Variants in GRID1 observed in about 807,000 individuals in gnomAD.
GRID1 encodes the protein glutamate ionotropic receptor delta type subunit 1, also known as glutamate receptor ionotropic, delta-1.
A neutral mutation model predicts 98.0 loss-of-function variants in GRID1; 28 were observed. That is an observed-to-expected ratio of 0.29 (90% CI 0.21 to 0.39). The LOEUF is 0.39. GRID1 is among the 10% of genes least tolerant of loss of function. The pLI is 1.00. For synonymous variants in GRID1, 553 were observed against 538.5 expected, an observed-to-expected ratio of 1.03 and a Z score of -0.37; for missense variants, 1,111 against 1,340.5, an observed-to-expected ratio of 0.83 and a Z score of 2.67.
rs529857813 is a variant in GRID1, at chr10:86,036,948, G to A, written c.726+101871C>T. Among the ~76,000 whole-genome samples, 23 of 152,324 alleles carry A rather than the reference G, an allele frequency of 1.5e-4. No individual in the cohort carries two copies. The East Asian group carries it at 3.7e-3, about 24-fold the overall frequency. On this transcript the variant is annotated intron_variant, in intron 4 of 15. Coordinates refer to ENST00000327946, the MANE Select transcript of GRID1 (RefSeq NM_017551.3). Reference sequence around the variant, plus strand: ...AGCATTTTATAATTAGCCATAACTTGACAAATTAATTAGTACAACAGCACA... The same window carrying A: ...AGCATTTTATAATTAGCCATAACTTAACAAATTAATTAGTACAACAGCACA...
chr10:85,724,585 C>G lies in GRID1; in HGVS notation c.1625G>C (p.Gly542Ala), dbSNP rs755662310. ...FSKRYMDYSV[G>A]ILIKKPEEKI... ...CTCCTCGGGCTTCTTAATTAGAATC[C>G]CCACTGAATAGTCCATGTACCGCTT... Residue 542 changes from glycine to alanine, a missense_variant, in exon 11 of 16, where the codon GGG becomes GCG. By Grantham distance (60) the Gly-to-Ala change is moderately conservative. Around this residue, in one of 3 missense-constraint regions of GRID1, gnomAD observed 762 missense variants for 869.1 expected, o/e 0.88. Coordinates refer to ENST00000327946, the MANE Select transcript of GRID1 (RefSeq NM_017551.3). The G allele has an allele frequency of 3.7e-6, 6 of 1,613,478 alleles. No homozygotes were observed. The East Asian group carries it at 1.1e-4, about 30-fold the overall frequency.
At chr10:86,036,054 A>G (rs1843256599) in intron 4 of GRID1, among the ~76,000 whole-genome samples, 1 of 152,124 alleles carries the variant, frequency 6.6e-6, no homozygotes, top group Non-Finnish European at 1.5e-5. Context: ...GGAAAAAGGG[A>G]AGGCAGGTGA....
chr10:85,740,143 T>G (rs551765015), intron 8 of GRID1, among the ~76,000 whole-genome samples: 7 of 152,314 alleles, frequency 4.6e-5, no homozygotes, highest in Middle Eastern at 3.4e-3. Flanking sequence ...CTAAATAAAC[T>G]GCAAGTTCCA....
intron 8 of GRID1, among the ~76,000 whole-genome samples, chr10:85,844,055 C>T (rs1038645039): frequency 5.3e-4 from 80 of 152,008 alleles, no homozygotes; most frequent in African/African-American, 1.8e-3. Flanking sequence ...GTGAGGCATC[C>T]ATTCTTCGAA....
chr10:85,728,026 C>T lies in GRID1; in HGVS notation c.1362G>A (p.Glu454=), dbSNP rs776824843. 11 of 1,613,326 alleles carry T rather than the reference C, an allele frequency of 6.8e-6. No individual in the cohort carries two copies. The Admixed American group carries it at 1.8e-4, about 27-fold the overall frequency. The stretch of plus-strand genomic sequence containing the variant: ...AGCGCTTGGGCTGTCCTAGGATGTT[C>T]TCAGCCACCATCACGAAAGGCTCTT... The part of the protein sequence containing the change: ...VLEEPFVMVA[E]NILGQPKRYK... Residue 454 remains glutamate (E), a synonymous_variant, in exon 10 of 16, where the codon GAG becomes GAA. Transcript: ENST00000327946.
chr10:86,155,789 G>A (rs1564691885), intron 3 of GRID1, among the ~76,000 whole-genome samples: 1 of 152,224 alleles, frequency 6.6e-6, no homozygotes, highest in Admixed American at 6.5e-5. Flanking sequence ...GCAGGAGGGA[G>A]GAAAGTCATG....
At chr10:85,828,872 C>A (rs1015511147) in intron 8 of GRID1, among the ~76,000 whole-genome samples, 4 of 152,086 alleles carry the variant, frequency 2.6e-5, no homozygotes, top group African/African-American at 9.7e-5. Flanking sequence ...TGAATTCCAC[C>A]AGGTGTATAA....
chr10:85,727,794 A>C, intron 10 of GRID1, 61 bp downstream of exon 10: 2 of 1,285,150 alleles, frequency 1.6e-6, no homozygotes, highest in Non-Finnish European at 2.3e-6. Flanking sequence ...GGTCAAGTTT[A>C]GATATTACCC....
intron 5 of GRID1, among the ~76,000 whole-genome samples, chr10:85,873,708 G>C (rs976965445): frequency 3.9e-5 from 6 of 152,114 alleles, no homozygotes; most frequent in Non-Finnish European, 8.8e-5. Flanking sequence ...TTAGCTTTGG[G>C]TAAGCTAAAC....
At chr10:85,996,214 A>C (rs7089638) in intron 4 of GRID1, among the ~76,000 whole-genome samples, 114,146 of 152,154 alleles carry the variant, frequency 0.75, 43,103 homozygotes, top group South Asian at 0.85. Flanking sequence ...AGCAAAATCT[A>C]AACTCACATG....
rs1173488112 is a variant in GRID1 at position 85,724,423 on chromosome 10, TG to T, written c.1786del (p.Gln596SerfsTer30). On this transcript the variant is annotated frameshift_variant, in exon 11 of 16. Transcript: ENST00000327946. LOFTEE classifies it high-confidence loss of function. ...IQAVRAQSAAQPRPSASATLH... is the reference protein window; with the variant it reads ...IQAVRAQSAAXPRPSASATLH... ...AGTGGCAGAAGCTGACGGCCTGGGCTGGGCAGCACTCTGAGCCCTCACAGCC... is the reference window on the plus strand; with the variant it reads ...AGTGGCAGAAGCTGACGGCCTGGGCTGGCAGCACTCTGAGCCCTCACAGCC... 1.2e-6 allele frequency: 2 copies of T among 1,614,152 alleles called. No homozygotes were observed. Among genetic ancestry groups the T allele is most frequent in the Admixed American group, 3.3e-5 (2 of 60,022 alleles).
At chr10:86,340,534 G>A (rs1848296055) in intron 2 of GRID1, among the ~76,000 whole-genome samples, 3 of 152,182 alleles carry the variant, frequency 2.0e-5, no homozygotes, top group South Asian at 2.1e-4. Context: ...GAATATCAAG[G>A]GGTGGAGCCA....
chr10:85,773,199 A>G (rs1362336063), intron 8 of GRID1, among the ~76,000 whole-genome samples: 1 of 152,200 alleles, frequency 6.6e-6, no homozygotes, highest in Non-Finnish European at 1.5e-5. Context: ...AATCCAGCAT[A>G]TAAACAGAAC....
chr10:86,101,321 A>G (rs1844292805), intron 4 of GRID1, among the ~76,000 whole-genome samples: 1 of 152,242 alleles, frequency 6.6e-6, no homozygotes, highest in Admixed American at 6.5e-5. Flanking sequence ...ATTATTTTGA[A>G]TGTATAATCT....
intron 4 of GRID1, among the ~76,000 whole-genome samples, chr10:86,039,812 G>A (rs1049186789): frequency 5.3e-5 from 8 of 152,158 alleles, no homozygotes; most frequent in East Asian, 1.9e-4. Context: ...AAATAGAGAC[G>A]TTTCTCTCTA....
chr10:85,710,556 T>G (rs1841570668), intron 12 of GRID1, among the ~76,000 whole-genome samples: 1 of 152,102 alleles, frequency 6.6e-6, no homozygotes, highest in Non-Finnish European at 1.5e-5. Context: ...GACGTTAGAT[T>G]TGGCAATGAA....
At chr10:85,996,826 T>A (rs1405204057) in intron 4 of GRID1, among the ~76,000 whole-genome samples, 8 of 120,122 alleles carry the variant, frequency 6.7e-5, no homozygotes, top group Non-Finnish European at 1.4e-4. Context: ...CGAAACTCCA[T>A]CTCAAAAAAA....
intron 5 of GRID1, among the ~76,000 whole-genome samples, chr10:85,870,438 A>G (rs1171199091): frequency 6.6e-6 from 1 of 152,204 alleles, no homozygotes; most frequent in Non-Finnish European, 1.5e-5. Context: ...CTATTGTGGA[A>G]CTTCACCTTG....
At position 86,234,248 on chromosome 10, in the gene GRID1, G is replaced by A. The variant is rs114031680; in HGVS notation, c.236-27600C>T. ...GGTTTCATCAGAGCCACCCTAGAAA[G>A]AGAGAAGTGGCCAGCTTTCAGGGTT... On this transcript the variant is annotated intron_variant, in intron 2 of 15. Transcript: ENST00000327946. 9.7e-3 allele frequency among the ~76,000 whole-genome samples: 1,472 copies of A among 152,298 alleles called. 21 individuals carry two copies. The highest frequency in any genetic ancestry group is 0.033 in the African/African-American group (1,354 of 41,546).
Sources: allele counts gnomAD v4.1 joint callset (sites outside exome capture counted in the v4.1 genomes callset), GRCh38; gene constraint gnomAD v4.1.1; regional missense constraint gnomAD v4.1.1; transcripts MANE v1.5; gene names NCBI Gene and HGNC (gene_info 2026-07-23, HGNC 2026-07-21).